NOX4: variants seen among roughly 807,000 people sequenced by gnomAD.
NOX4 encodes the protein kidney oxidase-1.
Under a neutral mutation model 87.6 loss-of-function variants are expected in NOX4, and 69 were observed. That is an observed-to-expected ratio of 0.79 (90% CI 0.65 to 0.96). NOX4 has a LOEUF of 0.96. NOX4 is among the 40% of genes least tolerant of loss of function. The pLI, the probability that NOX4 is intolerant of heterozygous loss-of-function variation, is 0.00. For synonymous variants in NOX4, 275 were observed against 238.2 expected (o/e 1.15, Z -1.42); for missense variants, 680 against 681.5 (o/e 1.00, Z 0.02).
At chr11:89,471,572 T>C (rs1348064677) in intron 2 of NOX4, among the ~76,000 whole-genome samples, 1 of 152,178 alleles carries the variant, frequency 6.6e-6, no homozygotes, top group Admixed American at 6.5e-5. Context: ...TCCTAATTAA[T>C]ATCACTAGGT....
chr11:89,563,263 T>C, the NOX4 span, among the ~76,000 whole-genome samples: 1 of 152,178 alleles, frequency 6.6e-6, no homozygotes, highest in Non-Finnish European at 1.5e-5. Context: ...GAAACAATGG[T>C]TTAGCTTTTC....
chr11:89,342,824 TGA>T, intron 13 of NOX4, among the ~76,000 whole-genome samples: 1 of 152,234 alleles, frequency 6.6e-6, no homozygotes, highest in East Asian at 1.9e-4. Context: ...TGTGTGTGTG[TGA>T]GACAGAGAGA....
chr11:89,396,412 G>A (rs1414351157), intron 11 of NOX4, among the ~76,000 whole-genome samples: 5 of 152,012 alleles, frequency 3.3e-5, no homozygotes, highest in Non-Finnish European at 7.4e-5. Flanking sequence ...GGGCTGAGAC[G>A]ATGGGGTTTT....
intron 12 of NOX4, among the ~76,000 whole-genome samples, 179 bp from the exon 13 acceptor site, chr11:89,355,222 G>A (rs1363969011): frequency 6.6e-6 from 1 of 150,492 alleles, no homozygotes; most frequent in Non-Finnish European, 1.5e-5. Flanking sequence ...GTATGTATGT[G>A]TGTGTGTGTA....
chr11:89,515,889 A>G, the NOX4 span, among the ~76,000 whole-genome samples: 4 of 151,996 alleles, frequency 2.6e-5, no homozygotes, highest in South Asian at 8.3e-4. Flanking sequence ...TTACCTGAAA[A>G]TGTCCCAAAT....
At chr11:89,347,847 C>T (rs1173269298) in intron 13 of NOX4, among the ~76,000 whole-genome samples, 1 of 152,134 alleles carries the variant, frequency 6.6e-6, no homozygotes. Flanking sequence ...AGTGTGCTGG[C>T]CCCATGCGGT....
the NOX4 span, among the ~76,000 whole-genome samples, chr11:89,582,346 G>C: frequency 6.6e-6 from 1 of 151,958 alleles, no homozygotes; most frequent in Non-Finnish European, 1.5e-5. Context: ...CAATGAACAT[G>C]AAAGTACAGA....
chr11:89,462,227 G>T (rs1446755547), intron 2 of NOX4, among the ~76,000 whole-genome samples: 1 of 152,048 alleles, frequency 6.6e-6, no homozygotes. Flanking sequence ...TAAGAGAAGG[G>T]CTAAGTAGAT....
At chr11:89,500,335 C>T (rs1947003597), upstream of NOX4, among the ~76,000 whole-genome samples, 3 of 152,156 alleles carry the variant, frequency 2.0e-5, no homozygotes, top group South Asian at 6.2e-4. Context: ...TTTCATAGTC[C>T]TTTCTTAAAA....
intron 11 of NOX4, among the ~76,000 whole-genome samples, chr11:89,375,409 G>A (rs1189902561): frequency 2.6e-5 from 4 of 152,010 alleles, no homozygotes; most frequent in East Asian, 1.9e-4. Context: ...AGGTTCAAGC[G>A]ATTCTCCTGC....
chr11:89,509,952 G>C, the NOX4 span, among the ~76,000 whole-genome samples: 1 of 152,038 alleles, frequency 6.6e-6, no homozygotes, highest in Admixed American at 6.6e-5. Flanking sequence ...ACCGGGTAAT[G>C]ATGGGTAGTA....
chr11:89,421,060 T>C (rs1223398153), intron 8 of NOX4, among the ~76,000 whole-genome samples: 1 of 151,790 alleles, frequency 6.6e-6, no homozygotes, highest in Non-Finnish European at 1.5e-5. Context: ...CATGAAGGAG[T>C]GGGGGTAAAT....
the NOX4 span, among the ~76,000 whole-genome samples, chr11:89,540,873 T>C: frequency 1.5e-5 from 2 of 134,748 alleles, no homozygotes; most frequent in Non-Finnish European, 3.1e-5. Flanking sequence ...CTTTCTAAGA[T>C]AGATCCCTCT....
At chr11:89,333,849 G>A (rs1271910603) in intron 17 of NOX4, among the ~76,000 whole-genome samples, 1 of 151,760 alleles carries the variant, frequency 6.6e-6, no homozygotes, top group Non-Finnish European at 1.5e-5. Context: ...GCACCTGCCT[G>A]AGAACCAATA....
At position 89,377,351 on chromosome 11, in the gene NOX4, C is replaced by T. The variant is rs116569602; in HGVS notation, c.1075-3859G>A. ...CTTTGACATAAAGTTTGGATCATGTCGACCTTAATATAAATTCTAGAATAC... is the reference window on the plus strand; with the variant it reads ...CTTTGACATAAAGTTTGGATCATGTTGACCTTAATATAAATTCTAGAATAC... On this transcript the variant is annotated intron_variant, in intron 11 of 17. Transcript: ENST00000263317. Among the ~76,000 whole-genome samples the T allele has an allele frequency of 9.8e-3, 1,487 of 152,044 alleles. 34 individuals carry two copies. Among genetic ancestry groups the T allele is most frequent in the African/African-American group, 0.033 (1,362 of 41,478 alleles).
chr11:89,359,984 G>A (rs1462908185), intron 12 of NOX4, among the ~76,000 whole-genome samples: 8 of 151,750 alleles, frequency 5.3e-5, no homozygotes, highest in African/African-American at 7.3e-5. Flanking sequence ...GCATCAAAAC[G>A]AAATCCTTAA....
intron 2 of NOX4, among the ~76,000 whole-genome samples, chr11:89,473,313 C>T (rs1256755128): frequency 6.6e-6 from 1 of 152,142 alleles, no homozygotes; most frequent in Admixed American, 6.6e-5. Flanking sequence ...ATCACAATTA[C>T]TGAGCGTTTA....
the NOX4 span, among the ~76,000 whole-genome samples, chr11:89,503,359 G>T: frequency 4.6e-4 from 70 of 151,806 alleles, no homozygotes; most frequent in African/African-American, 1.7e-3. Flanking sequence ...TCATTAATAA[G>T]GTCTCTAGCA....
chr11:89,581,970 T>G, the NOX4 span, among the ~76,000 whole-genome samples: 1 of 152,276 alleles, frequency 6.6e-6, no homozygotes, highest in South Asian at 2.1e-4. Context: ...TATCCAAAAC[T>G]TATTCATCTT....
Sources: allele counts gnomAD v4.1 joint callset (sites outside exome capture counted in the v4.1 genomes callset), GRCh38; gene constraint gnomAD v4.1.1; transcripts MANE v1.5; gene names NCBI Gene and HGNC (gene_info 2026-07-23, HGNC 2026-07-21).